NKAIN2: variants seen among roughly 807,000 people sequenced by gnomAD.
The protein encoded by NKAIN2 is sodium/potassium-transporting ATPase subunit beta-1-interacting protein 2.
In NKAIN2, 14 loss-of-function variants were observed where a neutral mutation model predicts 32.6. The observed-to-expected ratio is 0.43, with a 90% CI of 0.28 to 0.67. The LOEUF (loss-of-function observed/expected upper bound fraction) is 0.67, where lower values mean the gene tolerates loss of function less well. NKAIN2 is among the 30% of genes least tolerant of loss of function. The pLI, the probability that NKAIN2 is intolerant of heterozygous loss-of-function variation, is 0.17. For missense variants in NKAIN2, 198 were observed against 258.3 expected (o/e 0.77, Z 1.60); for synonymous variants, 80 against 87.2 (o/e 0.92, Z 0.46).
At chr6:123,842,163 T>C (rs1774898982) in intron 1 of NKAIN2, among the ~76,000 whole-genome samples, 1 of 152,188 alleles carries the variant, frequency 6.6e-6, no homozygotes, top group African/African-American at 2.4e-5. Context: ...GGAGACATTA[T>C]ACACAAAAAT....
At chr6:124,727,109 T>G (rs1291223018) in intron 4 of NKAIN2, among the ~76,000 whole-genome samples, 5 of 152,136 alleles carry the variant, frequency 3.3e-5, no homozygotes, top group African/African-American at 1.2e-4. Context: ...AAGTGGAGAA[T>G]GGAACCCAGT....
At chr6:124,210,976 T>C (rs187610308) in intron 1 of NKAIN2, among the ~76,000 whole-genome samples, 187 of 151,540 alleles carry the variant, frequency 1.2e-3, no homozygotes, top group African/African-American at 4.5e-3. Context: ...TCCAGTACTA[T>C]GTCAAATAAG....
In NKAIN2 at chr6:124,245,223, A is replaced by G. The variant is rs528241500; in HGVS notation, c.55-37782A>G. On this transcript the variant is annotated intron_variant, in intron 1 of 6. Coordinates refer to ENST00000368417, the MANE Select transcript of NKAIN2 (RefSeq NM_001040214.3). ...TAGTATTTTGAGAGACATTTAATCC[A>G]TCTGGTTTATTACTTTAGCTCATAC... is the stretch of plus-strand genomic sequence containing the variant. Among the ~76,000 whole-genome samples, 105 of 152,168 alleles carry G rather than the reference A, an allele frequency of 6.9e-4. 2 individuals are homozygous for G. The South Asian group carries it at 0.02, about 29-fold the overall frequency.
At chr6:124,074,185 C>T (rs1268852664) in intron 1 of NKAIN2, among the ~76,000 whole-genome samples, 6 of 152,108 alleles carry the variant, frequency 3.9e-5, no homozygotes. Flanking sequence ...AAATGTTGCC[C>T]ACCAGGAAAG....
At chr6:124,702,302 A>AAGG (rs1261733361) in intron 4 of NKAIN2, among the ~76,000 whole-genome samples, 1 of 152,104 alleles carries the variant, frequency 6.6e-6, no homozygotes, top group Admixed American at 6.6e-5. Flanking sequence ...TAAATATGAA[A>AAGG]CCTTGTAAAT....
intron 1 of NKAIN2, among the ~76,000 whole-genome samples, chr6:124,062,000 A>G (rs895304139): frequency 2.0e-5 from 3 of 152,144 alleles, no homozygotes; most frequent in Non-Finnish European, 4.4e-5. Context: ...AGAAACTGAG[A>G]TATCTTTAGC....
intron 1 of NKAIN2, among the ~76,000 whole-genome samples, chr6:124,091,320 C>T (rs551547597): frequency 2.6e-4 from 39 of 151,914 alleles, no homozygotes; most frequent in Non-Finnish European, 4.9e-4. Flanking sequence ...GAAAGAGTAA[C>T]ATATGATGGC....
intron 3 of NKAIN2, among the ~76,000 whole-genome samples, chr6:124,451,670 T>C (rs1417068226): frequency 6.6e-6 from 1 of 152,196 alleles, no homozygotes; most frequent in African/African-American, 2.4e-5. Context: ...TAGAAAGATT[T>C]CTTCAAATAT....
At chr6:123,855,987 T>G (rs1336750275) in intron 1 of NKAIN2, among the ~76,000 whole-genome samples, 1 of 152,154 alleles carries the variant, frequency 6.6e-6, no homozygotes, top group Non-Finnish European at 1.5e-5. Flanking sequence ...TCCCACAATA[T>G]CTTTTAAGAT....
chr6:123,911,730 G>C (rs987635852), intron 1 of NKAIN2, among the ~76,000 whole-genome samples: 6 of 145,982 alleles, frequency 4.1e-5, no homozygotes, highest in African/African-American at 1.5e-4. Flanking sequence ...ACAGCAATAA[G>C]TATTGTCTTA....
rs112033443 is a variant in NKAIN2, at chr6:124,170,344, A to G, written c.55-112661A>G. Among the ~76,000 whole-genome samples the G allele has an allele frequency of 3.2e-3, 480 of 152,312 alleles. 3 individuals are homozygous for G. The highest frequency in any genetic ancestry group is 0.011 in the African/African-American group (455 of 41,584). On this transcript the variant is annotated intron_variant, in intron 1 of 6. Transcript: ENST00000368417. Reference sequence around the variant, plus strand: ...GAACTTGGCATATTGTACGTATTCCAGAGATATTTGTTGAATGAATATAAG... The same window carrying G: ...GAACTTGGCATATTGTACGTATTCCGGAGATATTTGTTGAATGAATATAAG...
At chr6:123,913,012 T>C (rs1200558372) in intron 1 of NKAIN2, among the ~76,000 whole-genome samples, 3 of 152,214 alleles carry the variant, frequency 2.0e-5, no homozygotes, top group Non-Finnish European at 4.4e-5. Context: ...TGAAGGCTAC[T>C]GAAATTATTG....
At chr6:124,685,329 T>A (rs1773816629) in intron 4 of NKAIN2, among the ~76,000 whole-genome samples, 1 of 152,126 alleles carries the variant, frequency 6.6e-6, no homozygotes, top group African/African-American at 2.4e-5. Context: ...TAACAATAAT[T>A]AGTAGTGAAG....
chr6:124,686,950 G>C (rs944899651), intron 4 of NKAIN2, among the ~76,000 whole-genome samples: 2 of 152,092 alleles, frequency 1.3e-5, no homozygotes, highest in Non-Finnish European at 2.9e-5. Context: ...ACATGAAAAG[G>C]TGAGATAGGC....
At chr6:123,810,279 C>G (rs1773403720) in intron 1 of NKAIN2, among the ~76,000 whole-genome samples, 1 of 152,220 alleles carries the variant, frequency 6.6e-6, no homozygotes, top group East Asian at 1.9e-4. Flanking sequence ...CACTGCATCC[C>G]TTCCATGTAA....
chr6:124,697,381 T>A (rs1774546591), intron 4 of NKAIN2, among the ~76,000 whole-genome samples: 1 of 152,214 alleles, frequency 6.6e-6, no homozygotes, highest in South Asian at 2.1e-4. Flanking sequence ...GATTTTTTAA[T>A]CTAGTGGCTC....
chr6:123,875,006 G>A lies in NKAIN2; in HGVS notation c.54+70752G>A, dbSNP rs79450974. 7.6e-3 allele frequency among the ~76,000 whole-genome samples: 1,157 copies of A among 152,014 alleles called. 9 individuals carry two copies. The highest frequency in any genetic ancestry group is 0.026 in the African/African-American group (1,061 of 41,532). On this transcript the variant is annotated intron_variant, in intron 1 of 6. Coordinates refer to ENST00000368417, the MANE Select transcript of NKAIN2 (RefSeq NM_001040214.3). ...TTAATGATTTGAGCTCATACTGTTTGTACTATTTTATACGACTTTTCCATA... is the reference window on the plus strand; with the variant it reads ...TTAATGATTTGAGCTCATACTGTTTATACTATTTTATACGACTTTTCCATA...
At chr6:124,148,467 T>C (rs1787534889) in intron 1 of NKAIN2, among the ~76,000 whole-genome samples, 1 of 152,160 alleles carries the variant, frequency 6.6e-6, no homozygotes, top group Admixed American at 6.5e-5. Flanking sequence ...TACATTTGCC[T>C]ATCTGGACAT....
chr6:124,336,286 A>G (rs944909435), intron 2 of NKAIN2, among the ~76,000 whole-genome samples: 1 of 152,200 alleles, frequency 6.6e-6, no homozygotes, highest in African/African-American at 2.4e-5. Context: ...TTAAGCAGCC[A>G]TAATCATCCC....
Sources: allele counts gnomAD v4.1 joint callset (sites outside exome capture counted in the v4.1 genomes callset), GRCh38; gene constraint gnomAD v4.1.1; transcripts MANE v1.5; gene names NCBI Gene and HGNC (gene_info 2026-07-23, HGNC 2026-07-21).